Variants in ZNF679 observed in about 807,000 individuals in gnomAD.
ZNF679 encodes hypothetical protein MGC42415.
ZNF679 carries 10 observed loss-of-function variants against 13.4 expected under a neutral mutation model. That is an observed-to-expected ratio of 0.75 (90% CI 0.46 to 1.27). The LOEUF is 1.27. Ranked by LOEUF, ZNF679 falls within the 50% of genes most tolerant of loss-of-function variation. The pLI is 0.00. For synonymous variants in ZNF679, 179 were observed against 162.5 expected (o/e 1.10, Z -0.77); for missense variants, 525 against 477.8 (o/e 1.10, Z -0.92).
chr7:64,260,968 G>A (rs1788069235), intron 4 of ZNF679, 39 bp downstream of exon 4: 1 of 1,576,662 alleles, frequency 6.3e-7, no homozygotes, highest in African/African-American at 1.4e-5. Flanking sequence ...ACAGATGAGA[G>A]GTGCAAAAGT....
rs1788065094 is a variant in ZNF679, at chr7:64,260,754, CT to C, written c.167-79del. 2.2e-6 allele frequency: 3 copies of C among 1,370,870 alleles called. No homozygotes were observed. In the East Asian group the frequency reaches 7.2e-5, roughly 33 times the overall value. The allele number at this position is 1,370,870 out of a possible 1,614,324, so 84.9% of individuals were successfully genotyped here. ...ATTTTCTAGAATTTTCTATTATATCCTCTTTACTAAGCATAATACTCGTTTG... is the reference window on the plus strand; with the variant it reads ...ATTTTCTAGAATTTTCTATTATATCCCTTTACTAAGCATAATACTCGTTTG... On this transcript the variant is annotated intron_variant, in intron 3 of 4. Coordinates refer to ENST00000421025, the MANE Select transcript of ZNF679 (RefSeq NM_153363.3).
chr7:64,258,334 T>C (rs986743490), intron 2 of ZNF679, among the ~76,000 whole-genome samples: 12 of 152,138 alleles, frequency 7.9e-5, no homozygotes, highest in African/African-American at 2.4e-4. Context: ...GAGCATCTTA[T>C]CTGAAAATAC....
At chr7:64,234,491 G>A (rs753324386) in intron 1 of ZNF679, among the ~76,000 whole-genome samples, 7 of 152,286 alleles carry the variant, frequency 4.6e-5, no homozygotes, top group Admixed American at 1.3e-4. Flanking sequence ...GCGGGTCCTA[G>A]CTAGCAGCGA....
chr7:64,236,110 C>T (rs999323132), intron 1 of ZNF679, among the ~76,000 whole-genome samples: 6 of 151,828 alleles, frequency 4.0e-5, no homozygotes, highest in Non-Finnish European at 7.4e-5. Flanking sequence ...ACTAAAAATA[C>T]AAAAATTAGC....
intron 4 of ZNF679, among the ~76,000 whole-genome samples, chr7:64,262,659 C>T (rs1419221019): frequency 2.6e-5 from 4 of 152,144 alleles, no homozygotes; most frequent in Admixed American, 2.6e-4. Flanking sequence ...CCCTATTTTG[C>T]TCTATCATGT....
intron 1 of ZNF679, among the ~76,000 whole-genome samples, chr7:64,244,896 C>T (rs1310948280): frequency 1.3e-5 from 2 of 152,224 alleles, no homozygotes; most frequent in Admixed American, 1.3e-4. Flanking sequence ...TTCAAAATTT[C>T]TATATGCTGG....
At chr7:64,257,760 G>C (rs1788022040) in intron 2 of ZNF679, among the ~76,000 whole-genome samples, 1 of 152,166 alleles carries the variant, frequency 6.6e-6, no homozygotes, top group Non-Finnish European at 1.5e-5. Flanking sequence ...ATTTGTACCA[G>C]AAGTATTTAT....
chr7:64,233,897 A>G (rs1299348554), intron 1 of ZNF679, among the ~76,000 whole-genome samples: 1 of 152,198 alleles, frequency 6.6e-6, no homozygotes, highest in Non-Finnish European at 1.5e-5. Context: ...GTGAGAAACA[A>G]GAACGAAGTA....
intron 2 of ZNF679, among the ~76,000 whole-genome samples, chr7:64,254,999 CAAAAAAA>C (rs71060569): frequency 6.5e-5 from 6 of 92,138 alleles, no homozygotes; most frequent in Non-Finnish European, 1.0e-4. Context: ...GACTCCATCT[CAAAAAAA>C]AAAAAAAAAA....
chr7:64,245,431 G>A (rs1005637679), intron 1 of ZNF679, among the ~76,000 whole-genome samples: 2 of 150,594 alleles, frequency 1.3e-5, no homozygotes, highest in Admixed American at 6.6e-5. Context: ...AAGAGAGAGA[G>A]AGAGAGAGAG....
chr7:64,261,706 C>T (rs1377285553), intron 4 of ZNF679, among the ~76,000 whole-genome samples: 1 of 151,926 alleles, frequency 6.6e-6, no homozygotes, highest in African/African-American at 2.4e-5. Context: ...ATTGGCTATT[C>T]TAATTGATGT....
At chr7:64,265,695 CTTTA>C (rs1435549421) in intron 4 of ZNF679, among the ~76,000 whole-genome samples, 197 bp from the exon 5 acceptor site, 2 of 152,256 alleles carry the variant, frequency 1.3e-5, no homozygotes, top group East Asian at 1.9e-4. Context: ...GGTGCACACA[CTTTA>C]TTTATAAATT....
In ZNF679 at chr7:64,265,978, T is replaced by C. The variant is rs1788138942; in HGVS notation, c.345T>C (p.Tyr115=). 1.9e-6 allele frequency: 3 copies of C among 1,613,774 alleles called. No homozygotes were observed. The highest frequency in any genetic ancestry group is 2.2e-5 in the East Asian group (1 of 44,844). Reference sequence around the variant, plus strand: ...TCCAAAAAGTAATACCAAGAAGATATGGAAAAAGTGGACATGACAATTTAC... The same window carrying C: ...TCCAAAAAGTAATACCAAGAAGATACGGAAAAAGTGGACATGACAATTTAC... ...DSLQKVIPRR[Y]GKSGHDNLQV... Residue 115 remains tyrosine (Y), a synonymous_variant, in exon 5 of 5, where the codon TAT becomes TAC. Coordinates refer to ENST00000421025, the MANE Select transcript of ZNF679 (RefSeq NM_153363.3).
At chr7:64,252,104 C>G (rs550495927) in intron 2 of ZNF679, among the ~76,000 whole-genome samples, 2 of 152,238 alleles carry the variant, frequency 1.3e-5, no homozygotes, top group Admixed American at 6.5e-5. Context: ...GTAATTGCAC[C>G]TGGGGAACTC....
chr7:64,237,801 T>C (rs1787747164), intron 1 of ZNF679, among the ~76,000 whole-genome samples: 1 of 152,164 alleles, frequency 6.6e-6, no homozygotes, highest in Admixed American at 6.6e-5. Flanking sequence ...TCCCTGAAGT[T>C]TAATAATTTG....
At chr7:64,262,217 T>C (rs1297469521) in intron 4 of ZNF679, among the ~76,000 whole-genome samples, 16 of 152,238 alleles carry the variant, frequency 1.1e-4, no homozygotes, top group Admixed American at 1.0e-3. Flanking sequence ...GAGTTGTTTA[T>C]AAATTCTCAA....
intron 1 of ZNF679, among the ~76,000 whole-genome samples, chr7:64,236,976 A>AG (rs779698281): frequency 0.022 from 109 of 4,892 alleles, no homozygotes; most frequent in African/African-American, 0.061. Context: ...AAAGAAAGAA[A>AG]AAGAAAGAAA....
chr7:64,255,360 T>C (rs1787991722), intron 2 of ZNF679, among the ~76,000 whole-genome samples: 1 of 152,184 alleles, frequency 6.6e-6, no homozygotes, highest in Non-Finnish European at 1.5e-5. Context: ...ACAGCGCTTT[T>C]GCTTTTAGTG....
At chr7:64,239,191 G>T (rs1239616451) in intron 1 of ZNF679, among the ~76,000 whole-genome samples, 1 of 152,156 alleles carries the variant, frequency 6.6e-6, no homozygotes, top group Non-Finnish European at 1.5e-5. Context: ...AGTTGTAATT[G>T]TGACTCTCAT....
Sources: gnomAD v4.1 joint callset for allele counts (sites outside exome capture counted in the v4.1 genomes callset) on GRCh38, gnomAD v4.1.1 for gene constraint, MANE v1.5 for transcripts, NCBI Gene and HGNC (gene_info 2026-07-23, HGNC 2026-07-21) for gene names.